The following CERT1 variants were observed in gnomAD, a reference collection of about 807,000 sequenced individuals.
CERT1 encodes ceramide transporter 1.
A neutral mutation model predicts 87.9 loss-of-function variants in CERT1; 31 were observed. That is an observed-to-expected ratio of 0.35 (90% CI 0.27 to 0.48). CERT1 has a LOEUF of 0.48. CERT1 is among the 20% of genes least tolerant of loss of function. The pLI is 0.99. For synonymous variants in CERT1, 289 were observed against 250.9 expected (o/e 1.15, Z -1.44); for missense variants, 487 against 758.0 (o/e 0.64, Z 4.20).
At chr5:75,448,378 A>C (rs1347015708) in intron 3 of CERT1, among the ~76,000 whole-genome samples, 1 of 152,192 alleles carries the variant, frequency 6.6e-6, no homozygotes, top group Non-Finnish European at 1.5e-5. Flanking sequence ...CAGTTACGGT[A>C]ATATTTTAAC....
intron 8 of CERT1, among the ~76,000 whole-genome samples, chr5:75,407,043 A>G (rs1341207491): frequency 1.3e-5 from 2 of 152,206 alleles, no homozygotes; most frequent in Non-Finnish European, 2.9e-5. Context: ...AGATGGTTCA[A>G]AACTCCAAAA....
At chr5:75,472,508 T>C (rs944876039) in intron 2 of CERT1, among the ~76,000 whole-genome samples, 5 of 152,116 alleles carry the variant, frequency 3.3e-5, no homozygotes, top group Admixed American at 6.6e-5. Flanking sequence ...GGAGAAAATA[T>C]CTGCAAACTA....
intron 3 of CERT1, among the ~76,000 whole-genome samples, chr5:75,434,074 T>C (rs1763983558): frequency 6.6e-6 from 1 of 152,132 alleles, no homozygotes; most frequent in Non-Finnish European, 1.5e-5. Flanking sequence ...TTCCTGGTTA[T>C]CACAGGGGGT....
At chr5:75,477,775 G>C (rs886707496) in intron 2 of CERT1, among the ~76,000 whole-genome samples, 1 of 151,076 alleles carries the variant, frequency 6.6e-6, no homozygotes, top group Admixed American at 6.6e-5. Context: ...ATCACATCAA[G>C]GATTAACAGT....
rs1761607488 is a variant in CERT1, at chr5:75,382,032, T to C, written c.1534A>G (p.Ile512Val). Residue 512 changes from isoleucine to valine, a missense_variant, in exon 15 of 17, where the codon ATT becomes GTT. Physicochemically the swap from Ile to Val is conservative, Grantham distance 29. This residue lies in a region of CERT1 where 147 missense variants were observed against 200.8 expected (regional missense o/e 0.73). Coordinates refer to ENST00000643780, the MANE Select transcript of CERT1 (RefSeq NM_001379029.1). The stretch of plus-strand genomic sequence containing the variant: ...TCAGTCAAGGCTGGTATCTTTCGAA[T>C]GACAGAAAGATATAATACGTCTCGC... ...SQRDVLYLSV[I>V]RKIPALTEND... The C allele has an allele frequency of 8.1e-6, 13 of 1,613,658 alleles. No homozygotes were observed. The highest frequency in any genetic ancestry group is 1.0e-5 in the Non-Finnish European group (12 of 1,179,638).
At chr5:75,442,415 C>T (rs1764359744) in intron 3 of CERT1, among the ~76,000 whole-genome samples, 1 of 152,048 alleles carries the variant, frequency 6.6e-6, no homozygotes, top group Non-Finnish European at 1.5e-5. Flanking sequence ...GACATGGGGT[C>T]TCATTATGTT....
chr5:75,432,057 C>CTT (rs578175246), intron 3 of CERT1, among the ~76,000 whole-genome samples: 5 of 143,322 alleles, frequency 3.5e-5, no homozygotes, highest in African/African-American at 7.7e-5. Context: ...TTCCCCCCCC[C>CTT]TTTTTTTTTT....
chr5:75,436,710 TATA>T (rs1207065465), intron 3 of CERT1, among the ~76,000 whole-genome samples: 10 of 152,184 alleles, frequency 6.6e-5, no homozygotes, highest in Non-Finnish European at 1.2e-4. Context: ...ATCCATATTT[TATA>T]ATATTAAACA....
chr5:75,399,892 A>ACT (rs944224073), intron 10 of CERT1, among the ~76,000 whole-genome samples: 3 of 152,170 alleles, frequency 2.0e-5, no homozygotes, highest in Non-Finnish European at 4.4e-5. Context: ...TAATCCCAGC[A>ACT]CTCTGGGAGG....
At chr5:75,463,875 A>C (rs1372529132) in intron 2 of CERT1, among the ~76,000 whole-genome samples, 2 of 152,152 alleles carry the variant, frequency 1.3e-5, no homozygotes, top group Non-Finnish European at 2.9e-5. Flanking sequence ...GGAGTTGCTC[A>C]ACAGGAAGCA....
intron 3 of CERT1, among the ~76,000 whole-genome samples, chr5:75,430,075 AAAGT>A (rs1474060808): frequency 6.6e-6 from 1 of 152,190 alleles, no homozygotes; most frequent in Admixed American, 6.5e-5. Flanking sequence ...ATCTGTAACC[AAAGT>A]AACAGTTCAT....
At chr5:75,480,824 T>C (rs1247509595) in intron 2 of CERT1, among the ~76,000 whole-genome samples, 1 of 152,216 alleles carries the variant, frequency 6.6e-6, no homozygotes, top group East Asian at 1.9e-4. Flanking sequence ...CTTGTCAGCT[T>C]TGCCTTCAAA....
chr5:75,394,892 A>C (rs944981090), intron 11 of CERT1, among the ~76,000 whole-genome samples: 1 of 152,220 alleles, frequency 6.6e-6, no homozygotes, highest in African/African-American at 2.4e-5. Context: ...GGATAAGTAC[A>C]TACACCTTAA....
At position 75,457,979 on chromosome 5, in the gene CERT1, GT is replaced by G. The variant is rs1201205826; in HGVS notation, c.348+1085del. Among the ~76,000 whole-genome samples the G allele has an allele frequency of 2.0e-3, 295 of 149,302 alleles. 1 individual carries two copies. Among genetic ancestry groups the G allele is most frequent in the East Asian group, 2.0e-3 (10 of 4,988 alleles). On this transcript the variant is annotated intron_variant, in intron 3 of 16. Coordinates refer to ENST00000643780, the MANE Select transcript of CERT1 (RefSeq NM_001379029.1). ...TAAAAATGTGTGTGTGTGTGTGTGT[GT>G]GGTATGTGTGTGTGTGTTTTGTGCC... is the stretch of plus-strand genomic sequence containing the variant.
chr5:75,463,735 G>A (rs1192948268), intron 2 of CERT1, among the ~76,000 whole-genome samples: 1 of 152,128 alleles, frequency 6.6e-6, no homozygotes, highest in Non-Finnish European at 1.5e-5. Context: ...GGCTTTATAG[G>A]GTGCTAAAGT....
At chr5:75,488,403 ATGT>A (rs2112417704) in intron 2 of CERT1, among the ~76,000 whole-genome samples, 1 of 152,240 alleles carries the variant, frequency 6.6e-6, no homozygotes, top group South Asian at 2.1e-4. Flanking sequence ...TAACTTGAAA[ATGT>A]TGTTTCTTCC....
chr5:75,422,265 A>C (rs1447259136), intron 5 of CERT1, among the ~76,000 whole-genome samples: 1 of 152,076 alleles, frequency 6.6e-6, no homozygotes, highest in Non-Finnish European at 1.5e-5. Context: ...AGCACATTAA[A>C]TCTTCCTCTC....
At position 75,427,146 on chromosome 5, in the gene CERT1, T is replaced by C. The variant is rs547911437; in HGVS notation, c.349-668A>G. On this transcript the variant is annotated intron_variant, in intron 3 of 16. Coordinates refer to ENST00000643780, the MANE Select transcript of CERT1 (RefSeq NM_001379029.1). ...TCCCATGGAAGATAACTGATGGGGA[T>C]GATACTCTTCAGAGCATAAATTTTA... is the stretch of plus-strand genomic sequence containing the variant. Among the ~76,000 whole-genome samples, 6 of 152,334 alleles carry C rather than the reference T, an allele frequency of 3.9e-5. No homozygotes were observed. The South Asian group carries it at 1.2e-3, about 32-fold the overall frequency.
At chr5:75,457,909 C>T (rs983828320) in intron 3 of CERT1, among the ~76,000 whole-genome samples, 17 of 144,280 alleles carry the variant, frequency 1.2e-4, no homozygotes, top group Admixed American at 2.8e-4. Context: ...TATAGGCGCG[C>T]GTGTGTGTGT....
Sources: gnomAD v4.1 joint callset for allele counts (sites outside exome capture counted in the v4.1 genomes callset) on GRCh38, gnomAD v4.1.1 for gene constraint, gnomAD v4.1.1 regional missense constraint, MANE v1.5 for transcripts, NCBI Gene and HGNC (gene_info 2026-07-23, HGNC 2026-07-21) for gene names.